NFKB1: variants seen among roughly 807,000 people sequenced by gnomAD.
NFKB1 encodes nuclear factor NF-kappa-B p105 subunit.
A neutral mutation model predicts 105.1 loss-of-function variants in NFKB1; 9 were observed. The ratio of observed to expected loss-of-function variants is 0.09; its 90% CI spans 0.05 to 0.15. NFKB1 has a LOEUF of 0.15. Among genes scored for constraint, NFKB1 ranks in the 10% least tolerant of loss-of-function variants. The pLI is 1.00. For missense variants in NFKB1, 830 were observed against 1,203.7 expected (o/e 0.69, Z 4.59); for synonymous variants, 440 against 442.2 (o/e 1.00, Z 0.06).
chr4:102,569,758 T>TA (rs3836563), intron 6 of NFKB1, among the ~76,000 whole-genome samples: 1 of 152,136 alleles, frequency 6.6e-6, no homozygotes, highest in East Asian at 1.9e-4. Context: ...TTAATAAACT[T>TA]AGTTTCTACT....
In NFKB1 at chr4:102,576,865, T is replaced by C. The variant is rs777359468; in HGVS notation, c.408-11T>C. 78 of 1,601,814 alleles carry C rather than the reference T, an allele frequency of 4.9e-5. No homozygotes were observed. Among genetic ancestry groups the C allele is most frequent in the Non-Finnish European group, 6.3e-5 (74 of 1,175,342 alleles). ...TTGTTGTTGCTGCTGCTGTTACTGTTTTTTCTCCAGCTTCGCAAACCTGGG... is the reference window on the plus strand; with the variant it reads ...TTGTTGTTGCTGCTGCTGTTACTGTCTTTTCTCCAGCTTCGCAAACCTGGG... On this transcript the variant is annotated splice_polypyrimidine_tract_variant and intron_variant, in intron 6 of 23. Transcript: ENST00000226574.
In NFKB1 at chr4:102,606,670, C is replaced by T; in HGVS notation, c.1927C>T (p.Leu643=). The change falls in exon 17 of 24, where the codon CTA becomes TTA. Residue 643 remains leucine (L), a synonymous_variant. Coordinates refer to ENST00000226574, the MANE Select transcript of NFKB1 (RefSeq NM_003998.4). ...SILLKHKKAA[L]LLDHPNGDGL... is the part of the protein sequence containing the mutation. The stretch of plus-strand genomic sequence containing the variant: ...CTTACTCAAGCACAAAAAGGCAGCA[C>T]TACTTCTTGACCACCCCAACGGGGA... 1 of 1,614,160 alleles carries T rather than the reference C, an allele frequency of 6.2e-7. No homozygotes were observed. Among genetic ancestry groups the T allele is most frequent in the African/African-American group, 1.3e-5 (1 of 75,056 alleles).
chr4:102,605,945 T>C (rs1727682110), intron 16 of NFKB1, among the ~76,000 whole-genome samples: 1 of 152,226 alleles, frequency 6.6e-6, no homozygotes, highest in African/African-American at 2.4e-5. Flanking sequence ...ATTTCTTCAG[T>C]GAAAACATAG....
chr4:102,583,554 T>C (rs2149190967), intron 10 of NFKB1, among the ~76,000 whole-genome samples: 1 of 152,280 alleles, frequency 6.6e-6, no homozygotes, highest in South Asian at 2.1e-4. Flanking sequence ...TTAAGTGTTC[T>C]ACCAAAGTAA....
At chr4:102,528,429 T>C (rs1560644319) in intron 2 of NFKB1, among the ~76,000 whole-genome samples, 2 of 152,194 alleles carry the variant, frequency 1.3e-5, no homozygotes, top group South Asian at 2.1e-4. Context: ...CAAATGGATC[T>C]GAAGTACTGT....
At chr4:102,517,668 A>G (rs984551186) in intron 1 of NFKB1, among the ~76,000 whole-genome samples, 1 of 152,218 alleles carries the variant, frequency 6.6e-6, no homozygotes, top group African/African-American at 2.4e-5. Context: ...ACAGAGCTAT[A>G]GGTTATAGGA....
At chr4:102,594,363 TAG>T (rs1726428505) in intron 12 of NFKB1, among the ~76,000 whole-genome samples, 2 of 152,170 alleles carry the variant, frequency 1.3e-5, no homozygotes, top group Non-Finnish European at 2.9e-5. Context: ...TTTTGTAAAT[TAG>T]AGTCTTTGTA....
Position 102,577,979 on chromosome 4 carries a change from A to C in NFKB1, c.572-902A>C, listed in dbSNP as rs940809960. On this transcript the variant is annotated intron_variant, in intron 7 of 23. Transcript: ENST00000226574. ...TTGCCTACAAAATCCAAATTCTGTAAGTTGGCTTTTTGGATCTCCCAAGAG... is the reference window on the plus strand; with the variant it reads ...TTGCCTACAAAATCCAAATTCTGTACGTTGGCTTTTTGGATCTCCCAAGAG... 5.1e-6 allele frequency: 5 copies of C among 985,304 alleles called. No homozygotes were observed. In the African/African-American group the frequency reaches 8.7e-5, roughly 17 times the overall value. 61.0% of individuals were successfully genotyped at this position (985,304 alleles called of 1,614,324 possible).
intron 19 of NFKB1, 40 bp from the exon 20 acceptor site, chr4:102,610,535 G>T (rs1266112781): frequency 2.9e-5 from 47 of 1,604,724 alleles, no homozygotes; most frequent in Non-Finnish European, 3.8e-5. Flanking sequence ...AAGTTGACAA[G>T]ATCTGGGTTT....
At chr4:102,502,388 G>GCACACACA (rs1302710749) in intron 1 of NFKB1, among the ~76,000 whole-genome samples, 3 of 96,802 alleles carry the variant, frequency 3.1e-5, no homozygotes, top group African/African-American at 2.2e-4. Context: ...GCGCGCGCGC[G>GCACACACA]CGCACACACA....
intron 23 of NFKB1, among the ~76,000 whole-genome samples, chr4:102,616,034 T>A (rs1728913858): frequency 6.6e-6 from 1 of 152,254 alleles, no homozygotes; most frequent in African/African-American, 2.4e-5. Flanking sequence ...CATTTTTAGT[T>A]CTTGCTTCTG....
chr4:102,568,402 G>A (rs953638981), intron 6 of NFKB1, among the ~76,000 whole-genome samples: 3 of 152,090 alleles, frequency 2.0e-5, no homozygotes, highest in Non-Finnish European at 4.4e-5. Context: ...GTCTCCTGTT[G>A]TATGTCACAG....
chr4:102,573,249 G>T (rs142018793), intron 6 of NFKB1, among the ~76,000 whole-genome samples: 1 of 152,000 alleles, frequency 6.6e-6, no homozygotes. Context: ...CAGAGGTTGC[G>T]GTGAGCCGAG....
intron 5 of NFKB1, among the ~76,000 whole-genome samples, chr4:102,539,224 G>A (rs1262129131): frequency 5.6e-5 from 7 of 124,434 alleles, no homozygotes; most frequent in African/African-American, 2.2e-4. Context: ...ACAACAGAGC[G>A]AGACTCTGTC....
At chr4:102,520,610 T>A (rs1456802072) in intron 1 of NFKB1, among the ~76,000 whole-genome samples, 1 of 152,186 alleles carries the variant, frequency 6.6e-6, no homozygotes, top group Non-Finnish European at 1.5e-5. Flanking sequence ...CATGGAAAAT[T>A]AGTTTATACA....
At chr4:102,521,749 A>G (rs1230099644) in intron 1 of NFKB1, among the ~76,000 whole-genome samples, 3 of 152,074 alleles carry the variant, frequency 2.0e-5, no homozygotes, top group Admixed American at 1.3e-4. Context: ...CAAGAAGCTC[A>G]TGTGCTACAC....
At chr4:102,527,351 G>T (rs1740987944) in intron 2 of NFKB1, among the ~76,000 whole-genome samples, 2 of 152,154 alleles carry the variant, frequency 1.3e-5, no homozygotes, top group Non-Finnish European at 2.9e-5. Flanking sequence ...TTTGAAAGAT[G>T]TAGTTTGCTA....
In NFKB1 at chr4:102,616,494, T is replaced by G; in HGVS notation, c.2810T>G (p.Leu937Arg). 3 of 1,613,992 alleles carry G rather than the reference T, an allele frequency of 1.9e-6. No homozygotes were observed. The highest frequency in any genetic ancestry group is 2.5e-6 in the Non-Finnish European group (3 of 1,179,996). The change falls in exon 24 of 24, where the codon CTC (leucine) becomes CGC (arginine). Residue 937 changes from leucine to arginine, a missense_variant. Leu to Arg is a moderately radical substitution (Grantham distance 102). This residue lies in a region of NFKB1 where 418 missense variants were observed against 575.3 expected (regional missense o/e 0.73). Transcript: ENST00000226574. The part of the protein sequence containing the change: ...DSGVETSFRK[L>R]SFTESLTSGA... ...GGCGTGGAGACATCCTTCCGCAAACTCAGCTTTACCGAGTCTCTGACCAGT... is the reference window on the plus strand; with the variant it reads ...GGCGTGGAGACATCCTTCCGCAAACGCAGCTTTACCGAGTCTCTGACCAGT...
At chr4:102,570,938 C>A (rs1400565759) in intron 6 of NFKB1, among the ~76,000 whole-genome samples, 5 of 152,164 alleles carry the variant, frequency 3.3e-5, no homozygotes, top group Non-Finnish European at 5.9e-5. Context: ...AATGCCATCC[C>A]CATCAAGCTA....
Sources: allele counts gnomAD v4.1 joint callset (sites outside exome capture counted in the v4.1 genomes callset), GRCh38; gene constraint gnomAD v4.1.1; regional missense constraint gnomAD v4.1.1; transcripts MANE v1.5; gene names NCBI Gene and HGNC (gene_info 2026-07-23, HGNC 2026-07-21).